Variants in QKI observed in about 807,000 individuals in gnomAD.
The protein encoded by QKI is QKI, KH domain containing RNA binding.
A neutral mutation model predicts 39.0 loss-of-function variants in QKI; 10 were observed. That is an observed-to-expected ratio of 0.26 (90% CI 0.16 to 0.43). QKI has a LOEUF of 0.43. QKI is among the 20% of genes least tolerant of loss of function. QKI has a pLI of 1.00. For synonymous variants in QKI, 204 were observed against 155.4 expected (o/e 1.31, Z -2.33); for missense variants, 218 against 428.0 (o/e 0.51, Z 4.33).
In QKI at chr6:163,476,072, A is replaced by G. The variant is rs138611960; in HGVS notation, c.286-2708A>G. Among the ~76,000 whole-genome samples the G allele has an allele frequency of 5.7e-3, 874 of 152,288 alleles. 11 individuals are homozygous for G. Among genetic ancestry groups the G allele is most frequent in the African/African-American group, 0.02 (813 of 41,566 alleles). ...CAAAAAATGCATATCCAAATGGCCA[A>G]CAAATGTGAAAAAAATGCTTAGCTT... On this transcript the variant is annotated intron_variant, in intron 2 of 7. Transcript: ENST00000361752.
chr6:163,565,227 C>T (rs1783284975), intron 6 of QKI: 3 of 988,446 alleles, frequency 3.0e-6, no homozygotes, highest in Middle Eastern at 1.0e-3. Context: ...TTTAAGTTTT[C>T]TTTTCTATTA....
chr6:163,429,990 G>A (rs1320389564), intron 1 of QKI, among the ~76,000 whole-genome samples: 1 of 152,152 alleles, frequency 6.6e-6, no homozygotes, highest in African/African-American at 2.4e-5. Flanking sequence ...TGGCTGAGGA[G>A]GCTATGGAAT....
At chr6:163,510,888 TACTC>T (rs149619769) in intron 3 of QKI, among the ~76,000 whole-genome samples, 6,145 of 152,218 alleles carry the variant, frequency 0.04, 136 homozygotes, top group African/African-American at 0.063. Flanking sequence ...AAAAAAAAAT[TACTC>T]AGAAGATTTG....
chr6:163,474,561 G>T lies in QKI; in HGVS notation c.286-4219G>T, dbSNP rs1211189137. On this transcript the variant is annotated intron_variant, in intron 2 of 7. Coordinates refer to ENST00000361752, the MANE Select transcript of QKI (RefSeq NM_006775.3). ...GATATACGGTAGCAGAAAAAGCCCT[G>T]TAAATTTGTAGGAATGAATCTTAAC... 2.6e-5 allele frequency among the ~76,000 whole-genome samples: 4 copies of T among 152,058 alleles called. No homozygotes were observed. The East Asian group carries it at 7.7e-4, about 29-fold the overall frequency.
chr6:163,448,400 G>C (rs892194498), intron 1 of QKI, among the ~76,000 whole-genome samples: 1 of 149,408 alleles, frequency 6.7e-6, no homozygotes, highest in African/African-American at 2.5e-5. Flanking sequence ...GATTTATTTG[G>C]TTGTTAGAGT....
intron 1 of QKI, among the ~76,000 whole-genome samples, chr6:163,427,026 C>T (rs531895728): frequency 2.0e-4 from 30 of 152,144 alleles, no homozygotes; most frequent in Non-Finnish European, 3.4e-4. Flanking sequence ...TCCCTTGTGC[C>T]TTGTCTGCCT....
intron 1 of QKI, among the ~76,000 whole-genome samples, chr6:163,429,700 G>T (rs528571194): frequency 6.6e-6 from 1 of 152,264 alleles, no homozygotes; most frequent in Non-Finnish European, 1.5e-5. Context: ...GTAGAAACTG[G>T]TTGTTAGGAT....
At chr6:163,566,050 A>G in intron 6 of QKI, 2 of 1,582,916 alleles carry the variant, frequency 1.3e-6, no homozygotes, top group Non-Finnish European at 1.7e-6. Context: ...CTCCGGGGGA[A>G]AAAAGCTTAG....
rs1400902385 is a variant in QKI, at chr6:163,427,054, C to T, written c.142+11719C>T. On this transcript the variant is annotated intron_variant, in intron 1 of 7. Coordinates refer to ENST00000361752, the MANE Select transcript of QKI (RefSeq NM_006775.3). ...GTCTGCCTTGCCTGTTCTGGAGCTA[C>T]ACTTGGCCATTTCTCCAATAGGAAT... Among the ~76,000 whole-genome samples, 4 of 152,186 alleles carry T rather than the reference C, an allele frequency of 2.6e-5. No individual in the cohort carries two copies. The East Asian group carries it at 5.8e-4, about 22-fold the overall frequency.
At chr6:163,515,008 T>G (rs1407900566) in intron 3 of QKI, among the ~76,000 whole-genome samples, 1 of 152,184 alleles carries the variant, frequency 6.6e-6, no homozygotes, top group Non-Finnish European at 1.5e-5. Flanking sequence ...ATGTGTATAT[T>G]TAGAATTTAT....
intron 1 of QKI, among the ~76,000 whole-genome samples, chr6:163,448,302 A>G (rs1056695902): frequency 6.6e-6 from 1 of 150,788 alleles, no homozygotes; most frequent in African/African-American, 2.4e-5. Flanking sequence ...CCCTTGGAAT[A>G]AGGTTCCATC....
chr6:163,564,403 G>A, intron 6 of QKI: 1 of 1,337,140 alleles, frequency 7.5e-7, no homozygotes, highest in Non-Finnish European at 9.6e-7. Context: ...GTCCGTTGTT[G>A]ACCAAAATGT....
intron 6 of QKI, chr6:163,565,812 A>G (rs558015138): frequency 6.6e-6 from 9 of 1,361,258 alleles, no homozygotes. Context: ...CACATCTCAC[A>G]TTAAATTATT....
rs1169010544 is a variant in QKI at position 163,577,957 on chromosome 6, C to T, written c.*7247C>T. On this transcript the variant is annotated 3_prime_UTR_variant, in exon 8 of 8. Coordinates refer to ENST00000361752, the MANE Select transcript of QKI (RefSeq NM_006775.3). ...TTTAGAAAGCAGTTAAACTAATTGA[C>T]CATCTAATAGTTGTACTATACATAT... 6.6e-6 allele frequency: 1 copy of T among 152,110 alleles called. No homozygotes were observed. The highest frequency in any genetic ancestry group is 6.5e-5 in the Admixed American group (1 of 15,272). The allele number at this position is 152,110 out of a possible 1,614,324, so 9.4% of individuals were successfully genotyped here.
intron 1 of QKI, among the ~76,000 whole-genome samples, chr6:163,434,717 A>G (rs1789110790): frequency 6.6e-6 from 1 of 152,144 alleles, no homozygotes; most frequent in South Asian, 2.1e-4. Context: ...TCTCAAAAAA[A>G]AAATTAATAA....
At position 163,541,857 on chromosome 6, in the gene QKI, A is replaced by G. The variant is rs561511470; in HGVS notation, c.546+6732A>G. Among the ~76,000 whole-genome samples the G allele has an allele frequency of 1.2e-4, 18 of 152,056 alleles. No homozygotes were observed. The East Asian group carries it at 3.3e-3, about 28-fold the overall frequency. On this transcript the variant is annotated intron_variant, in intron 4 of 7. Transcript: ENST00000361752. The stretch of plus-strand genomic sequence containing the variant: ...AAGATAGTACCAAGCAGTATGGCCT[A>G]CTTGCCTTAGAGAGACTTTGTAAAG...
intron 1 of QKI, among the ~76,000 whole-genome samples, chr6:163,435,194 A>G (rs543494894): frequency 1.2e-4 from 19 of 152,352 alleles, no homozygotes; most frequent in Non-Finnish European, 1.8e-4. Context: ...AAGTTACGCA[A>G]TTGTTACAGG....
chr6:163,577,677 T>C lies in QKI; in HGVS notation c.*6967T>C, dbSNP rs1345368330. The C allele has an allele frequency of 6.6e-6, 1 of 152,418 alleles. No individual in the cohort carries two copies. Among genetic ancestry groups the C allele is most frequent in the Admixed American group, 6.5e-5 (1 of 15,272 alleles). The allele number at this position is 152,418 out of a possible 1,614,324, so 9.4% of individuals were successfully genotyped here. A position where few individuals can be genotyped will look rare whatever the true frequency, so the allele number is the denominator to read the frequency against. On this transcript the variant is annotated 3_prime_UTR_variant, in exon 8 of 8. Coordinates refer to ENST00000361752, the MANE Select transcript of QKI (RefSeq NM_006775.3). ...CTTCCCCCCGGCTCTCTGGCTCCTG[T>C]GGATATCTGTGCTTGTTTCCTGGTC...
intron 4 of QKI, among the ~76,000 whole-genome samples, chr6:163,538,622 G>C (rs1170943797): frequency 2.0e-5 from 3 of 152,236 alleles, no homozygotes; most frequent in South Asian, 4.1e-4. Flanking sequence ...GGAAAGGAGG[G>C]ACAAAGTGTA....
Sources: allele counts gnomAD v4.1 joint callset (sites outside exome capture counted in the v4.1 genomes callset), GRCh38; gene constraint gnomAD v4.1.1; transcripts MANE v1.5; gene names NCBI Gene and HGNC (gene_info 2026-07-23, HGNC 2026-07-21).